The following SLC44A1 variants were observed in gnomAD, a reference collection of about 807,000 sequenced individuals.
SLC44A1 encodes solute carrier family 44 member 1.
A neutral mutation model predicts 79.3 loss-of-function variants in SLC44A1; 26 were observed. The ratio of observed to expected loss-of-function variants is 0.33; its 90% confidence interval spans 0.24 to 0.46. The LOEUF is 0.46. Among genes scored for constraint, SLC44A1 ranks in the 20% least tolerant of loss-of-function variants. SLC44A1 has a pLI of 1.00. For missense variants in SLC44A1, 688 were observed against 798.1 expected (o/e 0.86, Z 1.66); for synonymous variants, 263 against 286.2 (o/e 0.92, Z 0.82).
chr9:105,331,706 T>C (rs1439886888), intron 3 of SLC44A1, among the ~76,000 whole-genome samples: 1 of 152,222 alleles, frequency 6.6e-6, no homozygotes, highest in African/African-American at 2.4e-5. Flanking sequence ...TTCAGAATGC[T>C]GGAAACAGAA....
intron 3 of SLC44A1, among the ~76,000 whole-genome samples, chr9:105,324,156 C>T (rs997585795): frequency 6.6e-6 from 1 of 152,024 alleles, no homozygotes; most frequent in Non-Finnish European, 1.5e-5. Context: ...CGCCCGCCAC[C>T]ACGCCCGGCT....
chr9:105,344,746 T>G (rs554341765), intron 4 of SLC44A1, among the ~76,000 whole-genome samples: 1 of 152,240 alleles, frequency 6.6e-6, no homozygotes, highest in South Asian at 2.1e-4. Flanking sequence ...AAGGTTCGAG[T>G]TCTCAAAGAG....
At chr9:105,262,681 A>G (rs1242049336) in intron 1 of SLC44A1, among the ~76,000 whole-genome samples, 32 of 152,166 alleles carry the variant, frequency 2.1e-4, no homozygotes, top group Admixed American at 2.1e-3. Context: ...CCAAAGTCTC[A>G]TACCTAACTG....
At chr9:105,324,495 C>T (rs1158175392) in intron 3 of SLC44A1, among the ~76,000 whole-genome samples, 1 of 152,106 alleles carries the variant, frequency 6.6e-6, no homozygotes, top group Non-Finnish European at 1.5e-5. Flanking sequence ...TCAAGCAATC[C>T]ACCTGCCTCG....
intron 13 of SLC44A1, among the ~76,000 whole-genome samples, chr9:105,377,975 C>T (rs748644161): frequency 6.6e-6 from 1 of 152,230 alleles, no homozygotes; most frequent in African/African-American, 2.4e-5. Flanking sequence ...GGGCCGGGCA[C>T]GGTGGCTCAC....
At chr9:105,354,173 C>A (rs1430110618) in intron 5 of SLC44A1, among the ~76,000 whole-genome samples, 3 of 148,892 alleles carry the variant, frequency 2.0e-5, no homozygotes, top group Non-Finnish European at 3.0e-5. Context: ...GCCTCAGCCT[C>A]CCGAGTAGCT....
chr9:105,366,842 G>A (rs1827956993), intron 12 of SLC44A1, among the ~76,000 whole-genome samples: 1 of 151,854 alleles, frequency 6.6e-6, no homozygotes, highest in Non-Finnish European at 1.5e-5. Flanking sequence ...TTTTAAAAAT[G>A]TTGTTTGAAA....
In SLC44A1 at chr9:105,319,913, A is replaced by G. The variant is rs190247213; in HGVS notation, c.269+10047A>G. ...ACATATAGTAAAATTTACTCATTCA[A>G]GTGTAGTTTGAATTTGGTAACTATA... On this transcript the variant is annotated intron_variant, in intron 3 of 15. Coordinates refer to ENST00000374720, the MANE Select transcript of SLC44A1 (RefSeq NM_080546.5). Among the ~76,000 whole-genome samples, 59 of 152,340 alleles carry G rather than the reference A, an allele frequency of 3.9e-4. 1 individual carries two copies. Among genetic ancestry groups the G allele is most frequent in the African/African-American group, 1.4e-3 (58 of 41,588 alleles).
At chr9:105,365,461 T>C (rs961373881) in intron 10 of SLC44A1, 22 bp from the exon 11 acceptor site, 1 of 1,597,736 alleles carries the variant, frequency 6.3e-7, no homozygotes, top group Admixed American at 1.7e-5. Flanking sequence ...TTTAATTGTC[T>C]TTTTGGTCAT....
In SLC44A1 at chr9:105,324,032, T is replaced by G. The variant is rs531552981; in HGVS notation, c.270-11531T>G. ...TTTGTTTTTGTTTTTGACGGAGTCT[T>G]GCTCTGTCGCCCAGGCTGGAGTGCA... On this transcript the variant is annotated intron_variant, in intron 3 of 15. Transcript: ENST00000374720. Among the ~76,000 whole-genome samples, 18 of 152,246 alleles carry G rather than the reference T, an allele frequency of 1.2e-4. No individual in the cohort carries two copies. In the South Asian group the frequency reaches 1.2e-3, roughly 11 times the overall value.
At position 105,309,744 on chromosome 9, in the gene SLC44A1, A is replaced by G. The variant is rs1418897759; in HGVS notation, c.147A>G (p.Ser49=). ...CCTAGGGATTTATTTGTGGCTTTTC[A>G]ATAGCAACAGGTGCAGCAGCAAGAC... The part of the protein sequence containing the change: ...CIGMGFICGF[S]IATGAAARLV... Residue 49 remains serine (S), a synonymous_variant, in exon 3 of 16, where the codon TCA becomes TCG. Transcript: ENST00000374720. 3.1e-6 allele frequency: 5 copies of G among 1,613,750 alleles called. No homozygotes were observed. In the Middle Eastern group the frequency reaches 4.9e-4, roughly 159 times the overall value.
In SLC44A1 at chr9:105,383,251, G is replaced by C. The variant is rs780001835; in HGVS notation, c.1761G>C (p.Leu587=). ...CTTTCCTAGTCGCTCATTGCTTCCT[G>C]TCTATTTATGAAATGGTAGTGGATG... ...LFAFLVAHCF[L]SIYEMVVDVL... is the part of the protein sequence containing the mutation. The change falls in exon 14 of 16, where the codon CTG becomes CTC. Residue 587 remains leucine (L), a synonymous_variant. Coordinates refer to ENST00000374720, the MANE Select transcript of SLC44A1 (RefSeq NM_080546.5). 1 of 1,613,788 alleles carries C rather than the reference G, an allele frequency of 6.2e-7. No homozygotes were observed. The highest frequency in any genetic ancestry group is 2.2e-5 in the East Asian group (1 of 44,872).
chr9:105,404,767 A>G (rs1829007201), intron 15 of SLC44A1, among the ~76,000 whole-genome samples: 1 of 152,242 alleles, frequency 6.6e-6, no homozygotes, highest in African/African-American at 2.4e-5. Flanking sequence ...CTATGGATAT[A>G]GATTTGAATC....
At chr9:105,386,149 T>G (rs1828620542) in intron 15 of SLC44A1, 1 of 978,134 alleles carries the variant, frequency 1.0e-6, no homozygotes, top group African/African-American at 1.8e-5. Flanking sequence ...TAGTTGATAT[T>G]ATATATGTAT....
At chr9:105,369,523 A>C (rs1011011641) in intron 12 of SLC44A1, among the ~76,000 whole-genome samples, 2 of 152,318 alleles carry the variant, frequency 1.3e-5, no homozygotes, top group East Asian at 3.9e-4. Flanking sequence ...ATGTTTCAAC[A>C]TACCAACTTT....
At chr9:105,332,795 T>C (rs995312587) in intron 3 of SLC44A1, among the ~76,000 whole-genome samples, 6 of 152,192 alleles carry the variant, frequency 3.9e-5, no homozygotes, top group Non-Finnish European at 5.9e-5. Context: ...TTGAGTTTAG[T>C]TCCTTACTAT....
chr9:105,413,604 G>A (rs1211630174), intron 15 of SLC44A1, among the ~76,000 whole-genome samples: 2 of 152,210 alleles, frequency 1.3e-5, no homozygotes, highest in African/African-American at 4.8e-5. Flanking sequence ...GATGTCTTCT[G>A]GGCTTACTGT....
chr9:105,361,132 T>G, intron 7 of SLC44A1, 59 bp from the exon 8 acceptor site: 2 of 1,540,694 alleles, frequency 1.3e-6, no homozygotes, highest in Non-Finnish European at 1.8e-6. Context: ...ATTGAGAATT[T>G]ATGTTACACA....
At chr9:105,246,811 C>T (rs376710175) in intron 1 of SLC44A1, among the ~76,000 whole-genome samples, 18 of 152,226 alleles carry the variant, frequency 1.2e-4, no homozygotes, top group African/African-American at 4.3e-4. Flanking sequence ...TGCATCAGAA[C>T]TCTGCTTTAA....
Sources: gnomAD v4.1 joint callset for allele counts (sites outside exome capture counted in the v4.1 genomes callset) on GRCh38, gnomAD v4.1.1 for gene constraint, MANE v1.5 for transcripts, NCBI Gene and HGNC (gene_info 2026-07-23, HGNC 2026-07-21) for gene names.